Variants in GNB4 observed in about 807,000 individuals in gnomAD.
GNB4 encodes the protein guanine nucleotide-binding protein subunit beta-4.
Under a neutral mutation model 45.2 loss-of-function variants are expected in GNB4, and 28 were observed. The ratio of observed to expected loss-of-function variants is 0.62; its 90% CI spans 0.46 to 0.85. The LOEUF (loss-of-function observed/expected upper bound fraction) is 0.85. Among genes scored for constraint, GNB4 ranks in the 40% least tolerant of loss-of-function variants. The pLI, the probability that GNB4 is intolerant of heterozygous loss-of-function variation, is 0.00. For missense variants in GNB4, 321 were observed against 425.4 expected, an observed-to-expected ratio of 0.75 and a Z score of 2.16; for synonymous variants, 132 against 143.7, an observed-to-expected ratio of 0.92 and a Z score of 0.58.
At chr3:179,403,515 G>A (rs1386684579) in intron 9 of GNB4, among the ~76,000 whole-genome samples, 5 of 152,200 alleles carry the variant, frequency 3.3e-5, no homozygotes, top group East Asian at 1.9e-4. Flanking sequence ...AAGTCAGGCC[G>A]GGCGCAGTGG....
In GNB4 at chr3:179,413,438, G is replaced by A; in HGVS notation, c.673C>T (p.His225Tyr). The change falls in exon 8 of 10, where the codon CAT (histidine) becomes TAT (tyrosine). Residue 225 changes from histidine (H) to tyrosine (Y), a missense_variant. Physicochemically the swap from His to Tyr is moderately conservative, Grantham distance 83. Transcript: ENST00000232564. Reference protein sequence around the residue: ...DGMCRQSFTGHVSDINAVSFF... With the variant: ...DGMCRQSFTGYVSDINAVSFF... ...CTGACAGCATTGATATCTGAGACAT[G>A]TCCCGTGAAAGACTGTCTACACATT... 1.2e-6 allele frequency: 2 copies of A among 1,613,754 alleles called. No individual in the cohort carries two copies. Among genetic ancestry groups the A allele is most frequent in the Non-Finnish European group, 1.7e-6 (2 of 1,179,682 alleles).
chr3:179,417,348 TTAAAC>T (rs2108593636), intron 4 of GNB4, among the ~76,000 whole-genome samples: 1 of 152,276 alleles, frequency 6.6e-6, no homozygotes, highest in East Asian at 1.9e-4. Context: ...GAAAGCTTTG[TTAAAC>T]TAAAGAGTAT....
chr3:179,451,187 C>A (rs1715864240), intron 1 of GNB4, 159 bp downstream of exon 1: 1 of 151,688 alleles, frequency 6.6e-6, no homozygotes, highest in East Asian at 1.9e-4. Flanking sequence ...TCCCGGGCAG[C>A]GTCGGCCGCC....
intron 1 of GNB4, among the ~76,000 whole-genome samples, chr3:179,448,118 A>C (rs1424822406): frequency 1.3e-5 from 2 of 152,234 alleles, no homozygotes; most frequent in African/African-American, 2.4e-5. Flanking sequence ...AGAAGATGGC[A>C]GATAAGGAGT....
At chr3:179,429,986 T>C (rs1559977536) in intron 1 of GNB4, among the ~76,000 whole-genome samples, 1 of 152,156 alleles carries the variant, frequency 6.6e-6, no homozygotes, top group Non-Finnish European at 1.5e-5. Context: ...ACTTTTTCAA[T>C]CTTCCACTAC....
intron 6 of GNB4, 107 bp from the exon 7 acceptor site, chr3:179,413,888 G>A: frequency 1.2e-6 from 1 of 826,246 alleles, no homozygotes; most frequent in Non-Finnish European, 1.9e-6. Context: ...TGGGCAACAA[G>A]TGTTTGTCAA....
rs1577022909 is a variant in GNB4, at chr3:179,400,418, G to A, written c.*795C>T. The A allele has an allele frequency of 6.6e-6, 1 of 152,118 alleles. No individual in the cohort carries two copies. The highest frequency in any genetic ancestry group is 2.1e-4 in the South Asian group (1 of 4,830). 9.4% of individuals were successfully genotyped at this position (152,118 alleles called of 1,614,324 possible). A position where few individuals can be genotyped will look rare whatever the true frequency, so the allele number is the denominator to read the frequency against. ...CTTAGTTCCAAATATGAAATGAAAA[G>A]GAAAGTCCAGCTATTTAGGGGGGTA... On this transcript the variant is annotated 3_prime_UTR_variant, in exon 10 of 10. Transcript: ENST00000232564.
At chr3:179,408,230 A>G (rs1714535135) in intron 8 of GNB4, among the ~76,000 whole-genome samples, 1 of 152,206 alleles carries the variant, frequency 6.6e-6, no homozygotes, top group African/African-American at 2.4e-5. Flanking sequence ...AAAAAACAGA[A>G]AAAGTCACAG....
chr3:179,449,817 G>C (rs1168472480), intron 1 of GNB4, among the ~76,000 whole-genome samples: 7 of 152,182 alleles, frequency 4.6e-5, no homozygotes, highest in Admixed American at 4.6e-4. Context: ...ACCATCTCAG[G>C]CAGTATTTGG....
rs548650841 is a variant in GNB4, at chr3:179,428,661, T to C, written c.-42-2419A>G. ...AAAGGGCCTCGGGACTTTTTAAAAATTTGCAGTTATTATTATTACTATTAT... is the reference window on the plus strand; with the variant it reads ...AAAGGGCCTCGGGACTTTTTAAAAACTTGCAGTTATTATTATTACTATTAT... On this transcript the variant is annotated intron_variant, in intron 1 of 9. Transcript: ENST00000232564. 2.0e-5 allele frequency among the ~76,000 whole-genome samples: 3 copies of C among 152,268 alleles called. No homozygotes were observed. The East Asian group carries it at 5.8e-4, about 29-fold the overall frequency.
At chr3:179,450,858 A>G (rs1715850749) in intron 1 of GNB4, 1 of 152,244 alleles carries the variant, frequency 6.6e-6, no homozygotes, top group Non-Finnish European at 1.5e-5. Flanking sequence ...ATAAATCTGA[A>G]ACAAAACCAT....
the GNB4 span, among the ~76,000 whole-genome samples, chr3:179,513,741 C>T: frequency 5.3e-4 from 81 of 152,154 alleles, no homozygotes; most frequent in African/African-American, 1.9e-3. Flanking sequence ...TTTTTGAAAT[C>T]TTTGATACTG....
chr3:179,418,850 T>A (rs1316608161), intron 4 of GNB4, among the ~76,000 whole-genome samples: 1 of 152,234 alleles, frequency 6.6e-6, no homozygotes, highest in African/African-American at 2.4e-5. Context: ...TGATGAGCAA[T>A]CTATCTAACT....
the GNB4 span, among the ~76,000 whole-genome samples, chr3:179,505,603 T>C: frequency 3.3e-5 from 5 of 152,258 alleles, no homozygotes; most frequent in African/African-American, 1.2e-4. Flanking sequence ...ATTCCTGCTC[T>C]CAATGAGTCG....
chr3:179,476,701 T>C, the GNB4 span, among the ~76,000 whole-genome samples: 3 of 152,222 alleles, frequency 2.0e-5, no homozygotes, highest in South Asian at 4.1e-4. Context: ...CCTGCAGCTG[T>C]TGCATTCTGT....
intron 3 of GNB4, among the ~76,000 whole-genome samples, chr3:179,420,208 A>T (rs1714936181): frequency 6.7e-6 from 1 of 149,846 alleles, no homozygotes; most frequent in Non-Finnish European, 1.5e-5. Context: ...GGCTCATTGC[A>T]ATATCTGCCT....
Position 179,400,232 on chromosome 3 carries a change from T to C in GNB4, c.*981A>G, listed in dbSNP as rs1374095350. 1.3e-5 allele frequency: 2 copies of C among 152,242 alleles called. No homozygotes were observed. Among genetic ancestry groups the C allele is most frequent in the Admixed American group, 6.5e-5 (1 of 15,288 alleles). The allele number at this position is 152,242 out of a possible 1,614,324, so 9.4% of individuals were successfully genotyped here. On this transcript the variant is annotated 3_prime_UTR_variant, in exon 10 of 10. Transcript: ENST00000232564. ...ATAAACCACCGTATTACAACAAATA[T>C]GTGCTAGCGATTGGTTAGATTTCAC...
chr3:179,497,160 T>C, the GNB4 span, among the ~76,000 whole-genome samples: 1 of 152,088 alleles, frequency 6.6e-6, no homozygotes, highest in Non-Finnish European at 1.5e-5. Context: ...AACAGACACA[T>C]AAGCCAAGGG....
At chr3:179,422,473 A>G (rs1715019810) in intron 2 of GNB4, among the ~76,000 whole-genome samples, 1 of 139,928 alleles carries the variant, frequency 7.1e-6, no homozygotes, top group Non-Finnish European at 1.6e-5. Context: ...GAAAAAAAAA[A>G]AGCAAAACAA....
Sources: gnomAD v4.1 joint callset for allele counts (sites outside exome capture counted in the v4.1 genomes callset) on GRCh38, gnomAD v4.1.1 for gene constraint, MANE v1.5 for transcripts, NCBI Gene and HGNC (gene_info 2026-07-23, HGNC 2026-07-21) for gene names.